DENND2A: variants seen among roughly 807,000 people sequenced by gnomAD.
The protein encoded by DENND2A is DENN domain containing 2A, also known as DENN domain-containing protein 2A.
In DENND2A, 53 loss-of-function variants were observed where a neutral mutation model predicts 105.3. The ratio of observed to expected loss-of-function variants is 0.50; its 90% CI spans 0.40 to 0.63. DENND2A has a LOEUF of 0.63. Among genes scored for constraint, DENND2A ranks in the 30% least tolerant of loss-of-function variants. DENND2A has a pLI of 0.00. For synonymous variants in DENND2A, 522 were observed against 508.4 expected (o/e 1.03, Z -0.36); for missense variants, 1,138 against 1,279.6 (o/e 0.89, Z 1.69).
At chr7:140,638,960 G>A (rs1004316761) in intron 1 of DENND2A, among the ~76,000 whole-genome samples, 1 of 152,138 alleles carries the variant, frequency 6.6e-6, no homozygotes. Context: ...CTCATTCCTC[G>A]CTGTGCCACT....
chr7:140,579,434 C>T (rs1166187158), intron 5 of DENND2A, among the ~76,000 whole-genome samples: 1 of 151,384 alleles, frequency 6.6e-6, no homozygotes, highest in Non-Finnish European at 1.5e-5. Context: ...TCTCTGTCAC[C>T]CAGGCTGGAG....
chr7:140,624,828 TGAGA>T, intron 1 of DENND2A, among the ~76,000 whole-genome samples: 1 of 151,706 alleles, frequency 6.6e-6, no homozygotes, highest in East Asian at 1.9e-4. Flanking sequence ...ATTAGGCTGT[TGAGA>T]GATTTTGTTT....
Position 140,537,657 on chromosome 7 carries a change from ATTTGTTTG to A in DENND2A, c.2327+6953_2327+6960del, listed in dbSNP as rs10653353. 3.1e-4 allele frequency among the ~76,000 whole-genome samples: 47 copies of A among 151,704 alleles called. No individual in the cohort carries two copies. The East Asian group carries it at 7.5e-3, about 24-fold the overall frequency. ...TTTGTCCCCTATTAAGGTGTTTTTC[ATTTGTTTG>A]TTTGTTTGTTTGTTTGTTTTAAGAG... On this transcript the variant is annotated intron_variant, in intron 14 of 19. Coordinates refer to ENST00000496613, the MANE Select transcript of DENND2A (RefSeq NM_015689.5).
At chr7:140,557,531 A>ATTTTT (rs1156756617) in intron 11 of DENND2A, among the ~76,000 whole-genome samples, 3 of 39,650 alleles carry the variant, frequency 7.6e-5, no homozygotes, top group Non-Finnish European at 1.0e-4. Context: ...ATATATATAT[A>ATTTTT]TTTTTTTTTT....
chr7:140,625,251 C>T (rs987027425), intron 1 of DENND2A, among the ~76,000 whole-genome samples: 10 of 150,754 alleles, frequency 6.6e-5, no homozygotes, highest in Middle Eastern at 3.4e-3. Flanking sequence ...GTGGTGCATG[C>T]CTGTAATCCA....
chr7:140,635,941 T>A (rs1800913494), intron 1 of DENND2A, among the ~76,000 whole-genome samples: 1 of 152,166 alleles, frequency 6.6e-6, no homozygotes, highest in African/African-American at 2.4e-5. Flanking sequence ...TGTCGCTGTC[T>A]TTTGCATATG....
chr7:140,586,777 A>T (rs1186329653), intron 4 of DENND2A, among the ~76,000 whole-genome samples: 1 of 152,182 alleles, frequency 6.6e-6, no homozygotes, highest in Non-Finnish European at 1.5e-5. Context: ...TGCTTAGCTA[A>T]GCATCTGCCT....
chr7:140,534,577 C>A (rs1410291662), intron 14 of DENND2A, among the ~76,000 whole-genome samples: 2 of 152,164 alleles, frequency 1.3e-5, no homozygotes, highest in Admixed American at 1.3e-4. Flanking sequence ...CTTGTGAAGG[C>A]CCGAGGAGCC....
intron 12 of DENND2A, among the ~76,000 whole-genome samples, chr7:140,550,001 C>A (rs1797056113): frequency 6.6e-6 from 1 of 152,018 alleles, no homozygotes; most frequent in Non-Finnish European, 1.5e-5. Context: ...AAATATTATG[C>A]TAAGTGAATC....
intron 1 of DENND2A, among the ~76,000 whole-genome samples, chr7:140,635,279 AAAAT>A (rs1434687831): frequency 6.6e-5 from 10 of 152,200 alleles, no homozygotes; most frequent in East Asian, 1.9e-4. Context: ...AATAATAATA[AAAAT>A]AAATAAATAA....
intron 1 of DENND2A, among the ~76,000 whole-genome samples, chr7:140,632,536 C>T (rs543641925): frequency 3.6e-4 from 55 of 152,284 alleles, no homozygotes; most frequent in Admixed American, 9.2e-4. Flanking sequence ...TTAATTAAGC[C>T]TATTGTACAT....
chr7:140,630,049 CG>C (rs1197107565), intron 1 of DENND2A, among the ~76,000 whole-genome samples: 1 of 151,488 alleles, frequency 6.6e-6, no homozygotes, highest in Non-Finnish European at 1.5e-5. Flanking sequence ...TTAGTGGAGA[CG>C]GGGTTTCACC....
chr7:140,531,666 C>A (rs1313889749), intron 14 of DENND2A, among the ~76,000 whole-genome samples: 1 of 151,498 alleles, frequency 6.6e-6, no homozygotes, highest in East Asian at 1.9e-4. Flanking sequence ...AAACAAAAAA[C>A]GAGTCGGGCA....
intron 9 of DENND2A, among the ~76,000 whole-genome samples, chr7:140,560,841 T>G (rs1422666014): frequency 1.3e-5 from 2 of 151,516 alleles, no homozygotes; most frequent in Admixed American, 6.6e-5. Context: ...GGCTGAGGCA[T>G]GAGAACTGCT....
intron 1 of DENND2A, among the ~76,000 whole-genome samples, chr7:140,622,172 C>T (rs1334003595): frequency 4.6e-5 from 7 of 151,904 alleles, no homozygotes. Flanking sequence ...CTGAGATGGA[C>T]AGATCACTTG....
At chr7:140,569,614 G>A (rs541689048) in intron 7 of DENND2A, 31 bp downstream of exon 7, 6 of 1,443,310 alleles carry the variant, frequency 4.2e-6, no homozygotes, top group South Asian at 1.1e-5. Context: ...TCCGATTCTT[G>A]CGGGAGGAGG....
intron 6 of DENND2A, among the ~76,000 whole-genome samples, chr7:140,571,476 T>C (rs1271945196): frequency 2.0e-5 from 3 of 152,178 alleles, no homozygotes; most frequent in Non-Finnish European, 2.9e-5. Flanking sequence ...ATTTCAATTC[T>C]TATTTTCAAT....
At chr7:140,521,651 G>C (rs1380007354) in intron 18 of DENND2A, among the ~76,000 whole-genome samples, 2 of 152,206 alleles carry the variant, frequency 1.3e-5, no homozygotes, top group Non-Finnish European at 2.9e-5. Flanking sequence ...ATGTGGTTCT[G>C]GGAGAGGCTG....
intron 14 of DENND2A, chr7:140,543,782 C>T (rs1168751313): frequency 6.6e-6 from 1 of 152,168 alleles, no homozygotes; most frequent in African/African-American, 2.4e-5. Flanking sequence ...TTAGCAGAGA[C>T]GGAGTTTCAC....
Sources: allele counts gnomAD v4.1 joint callset (sites outside exome capture counted in the v4.1 genomes callset), GRCh38; gene constraint gnomAD v4.1.1; transcripts MANE v1.5; gene names NCBI Gene and HGNC (gene_info 2026-07-23, HGNC 2026-07-21).